Variants in MEGF6 observed in about 807,000 individuals in gnomAD.
MEGF6 encodes multiple EGF like domains 6.
A neutral mutation model predicts 207.1 loss-of-function variants in MEGF6; 184 were observed. That is an observed-to-expected ratio of 0.89 (90% CI 0.79 to 1.00). The LOEUF (loss-of-function observed/expected upper bound fraction) is 1.00. Among genes scored for constraint, MEGF6 ranks in the 50% least tolerant of loss-of-function variants. The pLI is 0.00. For missense variants in MEGF6, 2,282 were observed against 2,202.9 expected, an observed-to-expected ratio of 1.04 and a Z score of -0.72; for synonymous variants, 1,038 against 910.0, an observed-to-expected ratio of 1.14 and a Z score of -2.53.
chr1:3,529,091 G>A (rs755399425), intron 4 of MEGF6, among the ~76,000 whole-genome samples: 8 of 152,300 alleles, frequency 5.3e-5, no homozygotes, highest in East Asian at 3.9e-4. Flanking sequence ...CACGGGAGCC[G>A]CGTGCCCTGC....
intron 5 of MEGF6, among the ~76,000 whole-genome samples, chr1:3,521,512 G>A (rs1335922342): frequency 2.0e-5 from 3 of 152,162 alleles, no homozygotes; most frequent in South Asian, 2.1e-4. Flanking sequence ...CCAGGCCGGC[G>A]TCTCAGGCCC....
intron 6 of MEGF6, 99 bp downstream of exon 6, chr1:3,515,303 G>A: frequency 2.1e-6 from 3 of 1,401,248 alleles, no homozygotes; most frequent in Non-Finnish European, 2.9e-6. Context: ...CAGCAGCCTT[G>A]GGGGCCTCCT....
intron 7 of MEGF6, among the ~76,000 whole-genome samples, chr1:3,512,708 A>G (rs1026003067): frequency 6.6e-6 from 1 of 152,178 alleles, no homozygotes; most frequent in African/African-American, 2.4e-5. Flanking sequence ...TCCCGCCATG[A>G]TTGTGAGGCC....
chr1:3,504,918 G>A (rs1235740169), intron 17 of MEGF6, among the ~76,000 whole-genome samples: 2 of 152,196 alleles, frequency 1.3e-5, no homozygotes, highest in African/African-American at 4.8e-5. Flanking sequence ...AGTGGACCAG[G>A]GAGGAGTTTG....
chr1:3,618,451 G>A, the MEGF6 span, among the ~76,000 whole-genome samples: 3 of 152,080 alleles, frequency 2.0e-5, no homozygotes, highest in African/African-American at 7.2e-5. The surrounding 1 kb of genome is among the most constrained non-coding windows in gnomAD (Gnocchi z 4.7). Flanking sequence ...GGGGCAGGTG[G>A]GAAGCAGCGC....
chr1:3,523,085 C>G (rs868202816), intron 5 of MEGF6, among the ~76,000 whole-genome samples: 1,538 of 136,126 alleles, frequency 0.011, 11 homozygotes, highest in South Asian at 0.016. Flanking sequence ...GGGGGGGGGG[C>G]CCCAGGGCTG....
At chr1:3,606,177 T>A (rs1486196696) in intron 1 of MEGF6, among the ~76,000 whole-genome samples, 1 of 152,196 alleles carries the variant, frequency 6.6e-6, no homozygotes, top group Non-Finnish European at 1.5e-5. Flanking sequence ...CAAAGCGTCA[T>A]GCAGTGGTTC....
chr1:3,521,816 T>A (rs1323708391), intron 5 of MEGF6, among the ~76,000 whole-genome samples: 1 of 152,138 alleles, frequency 6.6e-6, no homozygotes, highest in African/African-American at 2.4e-5. Context: ...GAGGCCACCA[T>A]GGGCAAGGGA....
At chr1:3,541,306 C>T (rs1233740458) in intron 4 of MEGF6, among the ~76,000 whole-genome samples, 1 of 152,192 alleles carries the variant, frequency 6.6e-6, no homozygotes, top group African/African-American at 2.4e-5. Flanking sequence ...CCACCATGAC[C>T]ACTCTTCCGG....
At chr1:3,585,599 G>A (rs1643882268) in intron 3 of MEGF6, among the ~76,000 whole-genome samples, 1 of 140,020 alleles carries the variant, frequency 7.1e-6, no homozygotes, top group Admixed American at 7.2e-5. Flanking sequence ...GACACGTCCT[G>A]TGTGTGGGTG....
At chr1:3,608,529 G>T (rs775725491) in intron 1 of MEGF6, among the ~76,000 whole-genome samples, 1 of 152,214 alleles carries the variant, frequency 6.6e-6, no homozygotes, top group Non-Finnish European at 1.5e-5. Context: ...GGCCCGACCC[G>T]CCCTGGAGGG....
chr1:3,547,528 G>A (rs1642753064), intron 4 of MEGF6, among the ~76,000 whole-genome samples: 1 of 152,134 alleles, frequency 6.6e-6, no homozygotes, highest in Admixed American at 6.5e-5. Context: ...GGAAAAACCC[G>A]GCTTCCCTTG....
At chr1:3,584,292 G>A (rs1643865775) in intron 3 of MEGF6, among the ~76,000 whole-genome samples, 1 of 152,244 alleles carries the variant, frequency 6.6e-6, no homozygotes, top group Admixed American at 6.5e-5. Context: ...TGTGGAAAGG[G>A]GACTGGATTC....
At chr1:3,619,371 T>G in the MEGF6 span, among the ~76,000 whole-genome samples, 1 of 152,182 alleles carries the variant, frequency 6.6e-6, no homozygotes, top group Non-Finnish European at 1.5e-5. Flanking sequence ...GTGTGACACA[T>G]CATTACATGT....
chr1:3,543,592 A>G (rs1013598515), intron 4 of MEGF6, among the ~76,000 whole-genome samples: 2 of 152,176 alleles, frequency 1.3e-5, no homozygotes. Flanking sequence ...GGGCGAGGCC[A>G]GGGACGGGGC....
At position 3,541,390 on chromosome 1, in the gene MEGF6, G is replaced by A. The variant is rs371049445; in HGVS notation, c.482-17144C>T. On this transcript the variant is annotated intron_variant, in intron 4 of 36. Transcript: ENST00000356575. ...TAAAGCCTCCCCAGGAGACTCCCGT[G>A]GAAATGCCGTTCTCCTGGGTGGAGG... Among the ~76,000 whole-genome samples, 450 of 152,364 alleles carry A rather than the reference G, an allele frequency of 3.0e-3. 2 individuals carry two copies. In the South Asian group the frequency reaches 0.038, roughly 13 times the overall value.
intron 4 of MEGF6, among the ~76,000 whole-genome samples, chr1:3,540,398 G>A (rs1483203557): frequency 6.6e-6 from 1 of 152,208 alleles, no homozygotes; most frequent in Non-Finnish European, 1.5e-5. Context: ...ATGTTGGCCT[G>A]GGGAGGCCCA....
intron 7 of MEGF6, among the ~76,000 whole-genome samples, chr1:3,513,195 T>C (rs1371187700): frequency 6.6e-6 from 1 of 151,972 alleles, no homozygotes; most frequent in Non-Finnish European, 1.5e-5. Context: ...TTTTTTTTAT[T>C]ATTTTACTTG....
At chr1:3,518,352 G>A (rs1641620321) in intron 5 of MEGF6, among the ~76,000 whole-genome samples, 1 of 152,346 alleles carries the variant, frequency 6.6e-6, no homozygotes, top group East Asian at 1.9e-4. Flanking sequence ...GGTCCACTCG[G>A]GCTGGGGTGC....
Sources: gnomAD v4.1 joint callset for allele counts (sites outside exome capture counted in the v4.1 genomes callset) on GRCh38, gnomAD v4.1.1 for gene constraint, Gnocchi (gnomAD v3.1) non-coding constraint, MANE v1.5 for transcripts, NCBI Gene and HGNC (gene_info 2026-07-23, HGNC 2026-07-21) for gene names.